STARD13: variants seen among roughly 807,000 people sequenced by gnomAD.
The protein encoded by STARD13 is StAR related lipid transfer domain containing 13.
In STARD13, 62 loss-of-function variants were observed where a neutral mutation model predicts 106.4. That is an observed-to-expected ratio of 0.58 (90% CI 0.48 to 0.72). The LOEUF (loss-of-function observed/expected upper bound fraction) is 0.72. Among genes scored for constraint, STARD13 ranks in the 30% least tolerant of loss-of-function variants. The pLI is 0.00. For missense variants in STARD13, 1,387 were observed against 1,424.0 expected (o/e 0.97, Z 0.42); for synonymous variants, 565 against 553.0 (o/e 1.02, Z -0.31).
At chr13:33,638,472 T>C in the STARD13 span, among the ~76,000 whole-genome samples, 1 of 152,116 alleles carries the variant, frequency 6.6e-6, no homozygotes, top group African/African-American at 2.4e-5. Context: ...TTATTGGCAA[T>C]TGGTTGAAAG....
the STARD13 span, among the ~76,000 whole-genome samples, chr13:33,519,400 G>C: frequency 6.7e-6 from 1 of 148,774 alleles, no homozygotes; most frequent in African/African-American, 2.5e-5. Context: ...ATGTTGGTCA[G>C]GCTGGTCTTG....
chr13:33,454,000 T>C, the STARD13 span, among the ~76,000 whole-genome samples: 1 of 150,612 alleles, frequency 6.6e-6, no homozygotes, highest in Non-Finnish European at 1.5e-5. Context: ...AATGGAAAGA[T>C]GATTTTTGTG....
the STARD13 span, among the ~76,000 whole-genome samples, chr13:33,659,045 C>T: frequency 6.6e-6 from 1 of 152,082 alleles, no homozygotes; most frequent in Non-Finnish European, 1.5e-5. Flanking sequence ...CCTCATATCC[C>T]TATGCATCTG....
At chr13:33,106,727 T>A (rs767613370) in intron 13 of STARD13, 31 bp downstream of exon 13, 2 of 1,568,456 alleles carry the variant, frequency 1.3e-6, no homozygotes, top group Admixed American at 1.8e-5. Flanking sequence ...TCCCAAGATC[T>A]GAGCCTGCCA....
At chr13:33,329,643 T>C (rs1271043873) in intron 1 of STARD13, among the ~76,000 whole-genome samples, 1 of 103,912 alleles carries the variant, frequency 9.6e-6, no homozygotes, top group African/African-American at 3.7e-5. Context: ...TAATATTCCA[T>C]TGTGTGTGTG....
chr13:33,163,621 TATAAAACATATATATATAAC>T (rs1566038535), intron 3 of STARD13, among the ~76,000 whole-genome samples: 8 of 129,266 alleles, frequency 6.2e-5, no homozygotes, highest in African/African-American at 2.6e-4. Flanking sequence ...TATATATATA[TATAAAACATATATATATAAC>T]ATATATATAT....
the STARD13 span, among the ~76,000 whole-genome samples, chr13:33,620,728 TAAAAA>T: frequency 1.3e-5 from 2 of 150,462 alleles, no homozygotes; most frequent in Admixed American, 6.6e-5. Context: ...CATCTAGAAA[TAAAAA>T]GAAACAATAT....
chr13:33,280,674 T>G (rs547706209), intron 1 of STARD13: 31 of 152,296 alleles, frequency 2.0e-4, no homozygotes, highest in African/African-American at 7.2e-4. Context: ...ACATCGATAT[T>G]AATGAAAGCA....
At chr13:33,388,153 G>A in the STARD13 span, among the ~76,000 whole-genome samples, 23 of 152,154 alleles carry the variant, frequency 1.5e-4, no homozygotes, top group Admixed American at 6.6e-5. Flanking sequence ...ATTAGGAGGC[G>A]AGCAGAGCCA....
intron 3 of STARD13, among the ~76,000 whole-genome samples, chr13:33,160,997 A>T (rs1882555190): frequency 1.3e-5 from 2 of 152,262 alleles, no homozygotes; most frequent in African/African-American, 4.8e-5. Context: ...ATAATCACCC[A>T]AACTGGCAAC....
chr13:33,446,431 A>T, the STARD13 span, among the ~76,000 whole-genome samples: 1 of 152,156 alleles, frequency 6.6e-6, no homozygotes, highest in Non-Finnish European at 1.5e-5. Flanking sequence ...AAAAGAAAAA[A>T]AAAACCAAAA....
At chr13:33,628,148 AACAC>A in the STARD13 span, among the ~76,000 whole-genome samples, 1,508 of 133,372 alleles carry the variant, frequency 0.011, 18 homozygotes, top group African/African-American at 0.03. Context: ...TCTCTTGTAA[AACAC>A]ACACACACAC....
At chr13:33,532,216 G>C in the STARD13 span, among the ~76,000 whole-genome samples, 1 of 152,044 alleles carries the variant, frequency 6.6e-6, no homozygotes, top group African/African-American at 2.4e-5. Flanking sequence ...AAAGTGCTTG[G>C]CACATACTTT....
At chr13:33,408,883 C>T in the STARD13 span, among the ~76,000 whole-genome samples, 2 of 151,934 alleles carry the variant, frequency 1.3e-5, no homozygotes, top group African/African-American at 2.4e-5. Flanking sequence ...CCCGAGATAT[C>T]GGGATAGCTT....
chr13:33,248,085 C>T (rs192893595), intron 1 of STARD13, among the ~76,000 whole-genome samples: 16 of 152,248 alleles, frequency 1.1e-4, no homozygotes, highest in Admixed American at 5.9e-4. Flanking sequence ...TCTTGACTTT[C>T]GAATGAGTCA....
chr13:33,353,540 A>T (rs77952184), upstream of STARD13, among the ~76,000 whole-genome samples: 1,568 of 152,272 alleles, frequency 0.01, 42 homozygotes, highest in African/African-American at 0.036. Context: ...TGTGGTTAAG[A>T]GTGTGGCTAA....
intron 3 of STARD13, among the ~76,000 whole-genome samples, chr13:33,144,480 A>G (rs1227091152): frequency 6.6e-6 from 1 of 152,208 alleles, no homozygotes; most frequent in Admixed American, 6.5e-5. Context: ...CTTTACACTG[A>G]AACCAGTTCT....
At chr13:33,244,359 A>G (rs1889717605) in intron 1 of STARD13, among the ~76,000 whole-genome samples, 1 of 152,052 alleles carries the variant, frequency 6.6e-6, no homozygotes, top group African/African-American at 2.4e-5. Flanking sequence ...TCTGAACTTC[A>G]AAGTTATCAG....
At chr13:33,391,481 G>C in the STARD13 span, among the ~76,000 whole-genome samples, 8 of 152,284 alleles carry the variant, frequency 5.3e-5, no homozygotes, top group Non-Finnish European at 1.2e-4. Context: ...ACACAAGGCT[G>C]ATATACAAGA....
Sources: gnomAD v4.1 joint callset for allele counts (sites outside exome capture counted in the v4.1 genomes callset) on GRCh38, gnomAD v4.1.1 for gene constraint, MANE v1.5 for transcripts, NCBI Gene and HGNC (gene_info 2026-07-23, HGNC 2026-07-21) for gene names.